Variants in GRM7 observed in about 807,000 individuals in gnomAD.
GRM7 encodes the protein glutamate metabotropic receptor 7, also known as metabotropic glutamate receptor 7.
In GRM7, 35 loss-of-function variants were observed where a neutral mutation model predicts 84.5. The observed-to-expected ratio is 0.41, with a 90% confidence interval of 0.32 to 0.55. The LOEUF (loss-of-function observed/expected upper bound fraction) is 0.55, where lower values mean the gene tolerates loss of function less well. Ranked by LOEUF, GRM7 falls within the 20% of genes least tolerant of loss-of-function variation. The probability of loss-of-function intolerance (pLI) is 0.19; values close to 1 mark genes in which losing one functional copy is unlikely to be tolerated. For synonymous variants in GRM7, 487 were observed against 455.1 expected, an observed-to-expected ratio of 1.07 and a Z score of -0.89; for missense variants, 1,003 against 1,194.6, an observed-to-expected ratio of 0.84 and a Z score of 2.36.
chr3:7,264,326 T>A (rs187785803), intron 2 of GRM7, among the ~76,000 whole-genome samples: 113 of 152,124 alleles, frequency 7.4e-4, no homozygotes, highest in African/African-American at 2.7e-3. Flanking sequence ...CAGACACTCC[T>A]GCGCCAAATC....
intron 1 of GRM7, among the ~76,000 whole-genome samples, chr3:7,106,561 A>G (rs1011362734): frequency 3.3e-5 from 5 of 152,046 alleles, no homozygotes; most frequent in African/African-American, 1.2e-4. Flanking sequence ...GCAGCAATCA[A>G]CAAATGAATA....
chr3:7,459,323 A>C (rs1375919), intron 6 of GRM7, among the ~76,000 whole-genome samples: 1 of 151,948 alleles, frequency 6.6e-6, no homozygotes, highest in Non-Finnish European at 1.5e-5. Context: ...ATACCAGTTA[A>C]GTATGAACAC....
intron 1 of GRM7, among the ~76,000 whole-genome samples, chr3:7,060,237 G>A (rs1426972178): frequency 6.6e-6 from 1 of 151,756 alleles, no homozygotes; most frequent in East Asian, 1.9e-4. Flanking sequence ...GGCAGAAGGA[G>A]CCCAGATCCT....
intron 4 of GRM7, among the ~76,000 whole-genome samples, chr3:7,330,727 C>T (rs566334246): frequency 2.0e-5 from 3 of 152,302 alleles, no homozygotes; most frequent in East Asian, 1.9e-4. Flanking sequence ...CCACGTGGAA[C>T]GTGAGTTCAT....
intron 2 of GRM7, among the ~76,000 whole-genome samples, chr3:7,171,048 C>A (rs1405599392): frequency 6.6e-6 from 1 of 152,114 alleles, no homozygotes; most frequent in African/African-American, 2.4e-5. Context: ...CCAGACCTTC[C>A]CTTACCTACC....
chr3:6,946,980 C>G (rs1164619438), intron 1 of GRM7, among the ~76,000 whole-genome samples: 4 of 152,176 alleles, frequency 2.6e-5, no homozygotes, highest in Admixed American at 6.5e-5. Flanking sequence ...TCTAGATATA[C>G]AATCATGTCA....
At chr3:7,513,410 T>C (rs1395170573) in intron 7 of GRM7, among the ~76,000 whole-genome samples, 1 of 151,924 alleles carries the variant, frequency 6.6e-6, no homozygotes, top group East Asian at 1.9e-4. Context: ...TTTTTTTCTG[T>C]TTTTTTCTTT....
At chr3:6,909,702 A>G (rs530676466) in intron 1 of GRM7, among the ~76,000 whole-genome samples, 74 of 152,234 alleles carry the variant, frequency 4.9e-4, no homozygotes, top group South Asian at 1.2e-3. Flanking sequence ...ACCCCAGTCT[A>G]TCATGACATT....
chr3:7,680,645 G>A (rs1430770670), intron 9 of GRM7: 2 of 256,112 alleles, frequency 7.8e-6, no homozygotes, highest in Non-Finnish European at 1.5e-5. Context: ...TTTTGTCAGG[G>A]AAACTTCCAT....
intron 9 of GRM7, among the ~76,000 whole-genome samples, chr3:7,728,200 C>T (rs1702197279): frequency 6.6e-6 from 1 of 152,110 alleles, no homozygotes; most frequent in Admixed American, 6.6e-5. Context: ...GACATTGTTC[C>T]CAGACCGAAC....
chr3:7,192,706 A>C (rs942630746), intron 2 of GRM7, among the ~76,000 whole-genome samples: 4 of 151,982 alleles, frequency 2.6e-5, no homozygotes, highest in Non-Finnish European at 5.9e-5. Context: ...TTATGCTATC[A>C]ACTCTCCTTT....
chr3:7,316,614 G>A (rs746694574), intron 4 of GRM7, among the ~76,000 whole-genome samples: 5 of 152,156 alleles, frequency 3.3e-5, no homozygotes, highest in African/African-American at 1.2e-4. Flanking sequence ...TAACTAGAGA[G>A]ATGGAATTAT....
At chr3:7,211,535 C>T (rs1696427030) in intron 2 of GRM7, among the ~76,000 whole-genome samples, 1 of 151,480 alleles carries the variant, frequency 6.6e-6, no homozygotes, top group South Asian at 2.1e-4. Flanking sequence ...AAAGTCAACC[C>T]ATTACCTTTT....
At position 7,740,393 on chromosome 3, in the gene GRM7, A is replaced by G; in HGVS notation, c.2735A>G (p.Asn912Ser). The G allele has an allele frequency of 6.3e-7, 1 of 1,579,932 alleles. No individual in the cohort carries two copies. Among genetic ancestry groups the G allele is most frequent in the Admixed American group, 1.7e-5 (1 of 57,468 alleles). Residue 912 changes from asparagine to serine, a missense_variant, in exon 10 of 10, where the codon AAC (asparagine) becomes AGC (serine). By Grantham distance (46) the Asn-to-Ser change is conservative. Transcript: ENST00000357716. ...AAAAAGAAGTATGTCAGTTATAATAACCTGGTTATCTAACCTGTTCCATTC... is the reference window on the plus strand; with the variant it reads ...AAAAAGAAGTATGTCAGTTATAATAGCCTGGTTATCTAACCTGTTCCATTC... Reference protein sequence around the residue: ...AAKKKYVSYNNLVI With the variant: ...AAKKKYVSYNSLVI
intron 8 of GRM7, among the ~76,000 whole-genome samples, chr3:7,613,152 T>C (rs540366565): frequency 6.6e-6 from 1 of 152,256 alleles, no homozygotes; most frequent in Non-Finnish European, 1.5e-5. Flanking sequence ...ATTCTACTTG[T>C]CTCACTTAGT....
intron 1 of GRM7, among the ~76,000 whole-genome samples, chr3:6,997,526 C>G (rs1482601850): frequency 1.3e-5 from 2 of 152,172 alleles, no homozygotes; most frequent in African/African-American, 4.8e-5. Flanking sequence ...TGAGAACTCA[C>G]TCACTATCAT....
chr3:7,148,408 A>T (rs1021413111), intron 2 of GRM7, among the ~76,000 whole-genome samples: 12 of 152,186 alleles, frequency 7.9e-5, no homozygotes, highest in Non-Finnish European at 1.2e-4. Context: ...GTGAGCCTCA[A>T]ATTTAACACT....
intron 7 of GRM7, among the ~76,000 whole-genome samples, chr3:7,488,531 C>A (rs946380897): frequency 1.3e-5 from 2 of 152,138 alleles, no homozygotes; most frequent in Non-Finnish European, 2.9e-5. Flanking sequence ...TTCTGCAGAG[C>A]AAATTAAGGC....
intron 9 of GRM7, among the ~76,000 whole-genome samples, chr3:7,683,765 AC>A (rs1559485604): frequency 2.0e-5 from 3 of 152,314 alleles, no homozygotes; most frequent in East Asian, 3.9e-4. Flanking sequence ...AATTAAGTAA[AC>A]TTTATTTACA....
Sources: gnomAD v4.1 joint callset for allele counts (sites outside exome capture counted in the v4.1 genomes callset) on GRCh38, gnomAD v4.1.1 for gene constraint, MANE v1.5 for transcripts, NCBI Gene and HGNC (gene_info 2026-07-23, HGNC 2026-07-21) for gene names.